UBN2: variants seen among roughly 807,000 people sequenced by gnomAD.
The protein encoded by UBN2 is ubinuclein 2.
Under a neutral mutation model 120.2 loss-of-function variants are expected in UBN2, and 35 were observed. The observed-to-expected ratio is 0.29, with a 90% CI of 0.22 to 0.39. The LOEUF (loss-of-function observed/expected upper bound fraction) is 0.39. UBN2 is among the 10% of genes least tolerant of loss of function. The probability of loss-of-function intolerance (pLI) is 1.00; values close to 1 mark genes in which losing one functional copy is unlikely to be tolerated. For missense variants in UBN2, 1,693 were observed against 1,663.2 expected, an observed-to-expected ratio of 1.02 and a Z score of -0.31; for synonymous variants, 661 against 648.7, an observed-to-expected ratio of 1.02 and a Z score of -0.29.
At chr7:139,311,961 G>T (rs1202970023), downstream of UBN2, among the ~76,000 whole-genome samples, 2 of 152,190 alleles carry the variant, frequency 1.3e-5, no homozygotes, top group Admixed American at 6.5e-5. Context: ...CAGGGAGTCC[G>T]TGACAGCCTC....
chr7:139,266,327 C>CTTTAGGCTGCCAAACT lies in UBN2; in HGVS notation c.1396-2_1409dup. 6.4e-7 allele frequency: 1 copy of CTTTAGGCTGCCAAACT among 1,550,500 alleles called. No individual in the cohort carries two copies. Among genetic ancestry groups the CTTTAGGCTGCCAAACT allele is most frequent in the Non-Finnish European group, 8.8e-7 (1 of 1,137,550 alleles). ...TGATTTATTATCATCTTTCTTGTTT[C>CTTTAGGCTGCCAAACT]TTTAGGCTGCCAAACTTTTTGATGA... is the stretch of plus-strand genomic sequence containing the variant. On this transcript the variant is annotated splice_polypyrimidine_tract_variant and splice_region_variant and intron_variant, in intron 6 of 17. Transcript: ENST00000473989.
At chr7:139,294,541 A>G (rs563395020) in intron 17 of UBN2, among the ~76,000 whole-genome samples, 27 of 152,312 alleles carry the variant, frequency 1.8e-4, no homozygotes, top group African/African-American at 5.8e-4. Flanking sequence ...TTTAGCGGAG[A>G]TGAAATTAAT....
chr7:139,297,762 C>G (rs748542951), intron 17 of UBN2, 25 bp from the exon 18 acceptor site: 1 of 1,613,056 alleles, frequency 6.2e-7, no homozygotes, highest in African/African-American at 1.3e-5. Context: ...TGGACCCATA[C>G]CAATTTAACG....
intron 12 of UBN2, 184 bp downstream of exon 12, chr7:139,276,331 A>T (rs754889911): frequency 6.3e-5 from 38 of 601,864 alleles, no homozygotes; most frequent in Non-Finnish European, 1.1e-4. Context: ...CTAAACACCT[A>T]CTAAATCCAC....
chr7:139,290,969 T>G (rs753366482), intron 15 of UBN2, among the ~76,000 whole-genome samples: 7 of 152,238 alleles, frequency 4.6e-5, no homozygotes, highest in Non-Finnish European at 1.0e-4. Flanking sequence ...TAATCAGTCC[T>G]TAATTAATAA....
chr7:139,237,142 C>G, intron 2 of UBN2, 45 bp downstream of exon 2: 1 of 1,431,048 alleles, frequency 7.0e-7, no homozygotes, highest in Non-Finnish European at 9.7e-7. Context: ...ATCCTATTGA[C>G]CTGTTTGCTT....
intron 17 of UBN2, among the ~76,000 whole-genome samples, chr7:139,295,381 T>TC (rs551363866): frequency 7.1e-4 from 108 of 152,054 alleles, no homozygotes; most frequent in East Asian, 2.9e-3. Flanking sequence ...CTAAAGCATG[T>TC]CCCCCCCTGG....
chr7:139,283,125 C>T lies in UBN2; in HGVS notation c.2220C>T (p.Ser740=). ...GCACAGCTGCCATTGCTGCAGCTAG[C>T]TCTAGCTCTGCACCAGCCCAAGAAA... ...SSSTAAIAAA[S]SSSAPAQETI... Residue 740 remains serine, a synonymous_variant, in exon 15 of 18, where the codon AGC becomes AGT. Coordinates refer to ENST00000473989, the MANE Select transcript of UBN2 (RefSeq NM_173569.4). 1 of 1,612,814 alleles carries T rather than the reference C, an allele frequency of 6.2e-7. No homozygotes were observed. The highest frequency in any genetic ancestry group is 8.5e-7 in the Non-Finnish European group (1 of 1,179,866).
intron 5 of UBN2, 134 bp downstream of exon 5, chr7:139,259,504 T>A: frequency 8.4e-7 from 1 of 1,195,630 alleles, no homozygotes; most frequent in Non-Finnish European, 1.1e-6. Context: ...TATTAGTGAC[T>A]TATGTTTAAT....
chr7:139,282,100 A>C lies in UBN2; in HGVS notation c.2118+45A>C, dbSNP rs563014673. On this transcript the variant is annotated intron_variant, in intron 14 of 17. Transcript: ENST00000473989. ...CAATCAGTATGTAATATAACACTCT[A>C]GGTTTGTTTGGGTTTGTTTAAGAAA... 15 of 1,586,234 alleles carry C rather than the reference A, an allele frequency of 9.5e-6. No individual in the cohort carries two copies. In the Admixed American group the frequency reaches 2.4e-4, roughly 25 times the overall value.
At chr7:139,258,209 A>G (rs1796820521) in intron 3 of UBN2, among the ~76,000 whole-genome samples, 1 of 152,222 alleles carries the variant, frequency 6.6e-6, no homozygotes, top group South Asian at 2.1e-4. Context: ...GAAGGAAGAA[A>G]AAGGAATAGT....
the UBN2 span, among the ~76,000 whole-genome samples, chr7:139,321,140 C>T: frequency 6.6e-6 from 1 of 152,230 alleles, no homozygotes; most frequent in African/African-American, 2.4e-5. Context: ...GTGCCAAGTA[C>T]TTCCACATTC....
In UBN2 at chr7:139,283,358, C is replaced by G; in HGVS notation, c.2453C>G (p.Pro818Arg). Residue 818 changes from proline (P) to arginine (R), a missense_variant, in exon 15 of 18, where the codon CCC (proline) becomes CGC (arginine). Coordinates refer to ENST00000473989, the MANE Select transcript of UBN2 (RefSeq NM_173569.4). ...SIMSKLPLAT[P>R]KKLDSTQTTH... ...ATGAGTAAGCTGCCACTAGCTACTC[C>G]CAAAAAACTAGATTCTACTCAGACT... The G allele has an allele frequency of 1.9e-6, 3 of 1,613,790 alleles. No individual in the cohort carries two copies. Among genetic ancestry groups the G allele is most frequent in the Middle Eastern group, 3.3e-4 (2 of 6,062 alleles).
chr7:139,311,258 T>C (rs7776716), downstream of UBN2, among the ~76,000 whole-genome samples: 2,778 of 152,340 alleles, frequency 0.018, 71 homozygotes, highest in African/African-American at 0.056. Context: ...TGACGTGTCA[T>C]GGGTGTCCGT....
chr7:139,288,043 T>G (rs1361099202), intron 15 of UBN2, among the ~76,000 whole-genome samples: 1 of 152,220 alleles, frequency 6.6e-6, no homozygotes, highest in Non-Finnish European at 1.5e-5. Flanking sequence ...CTCCTCTTTC[T>G]TACCCTTCAA....
chr7:139,258,674 G>C (rs1446912041), intron 4 of UBN2, 49 bp downstream of exon 4: 5 of 1,461,008 alleles, frequency 3.4e-6, no homozygotes, highest in Non-Finnish European at 3.6e-6. Context: ...CAATTAATAG[G>C]ATTTTTTTTA....
At chr7:139,264,131 T>G (rs998112378) in intron 6 of UBN2, among the ~76,000 whole-genome samples, 2 of 152,208 alleles carry the variant, frequency 1.3e-5, no homozygotes, top group African/African-American at 4.8e-5. Context: ...AAATACTGTT[T>G]TTGCCTTCAC....
At chr7:139,318,142 G>A in the UBN2 span, among the ~76,000 whole-genome samples, 2 of 152,172 alleles carry the variant, frequency 1.3e-5, no homozygotes, top group African/African-American at 4.8e-5. Flanking sequence ...GTGTAGGACA[G>A]TTTGTCTCTT....
intron 14 of UBN2, among the ~76,000 whole-genome samples, chr7:139,282,464 A>C (rs943406110): frequency 1.3e-5 from 2 of 152,186 alleles, no homozygotes; most frequent in Non-Finnish European, 2.9e-5. Flanking sequence ...CAGATTCACC[A>C]TAATAAATAG....
Sources: allele counts gnomAD v4.1 joint callset (sites outside exome capture counted in the v4.1 genomes callset), GRCh38; gene constraint gnomAD v4.1.1; transcripts MANE v1.5; gene names NCBI Gene and HGNC (gene_info 2026-07-23, HGNC 2026-07-21).